The following CMIP variants were observed in gnomAD, a reference collection of about 807,000 sequenced individuals.
CMIP encodes C-Maf-inducing protein.
In CMIP, 13 loss-of-function variants were observed where a neutral mutation model predicts 97.3. That is an observed-to-expected ratio of 0.13 (90% CI 0.09 to 0.21). CMIP has a LOEUF of 0.21. CMIP is among the 10% of genes least tolerant of loss of function. The probability of loss-of-function intolerance (pLI) is 1.00; values close to 1 mark genes in which losing one functional copy is unlikely to be tolerated. For missense variants in CMIP, 847 were observed against 1,024.9 expected (o/e 0.83, Z 2.37); for synonymous variants, 538 against 436.3 (o/e 1.23, Z -2.91).
At chr16:81,646,759 T>C (rs186015340) in intron 3 of CMIP, among the ~76,000 whole-genome samples, 60 of 152,346 alleles carry the variant, frequency 3.9e-4, no homozygotes, top group African/African-American at 1.4e-3. Flanking sequence ...TTCTTTCCCT[T>C]AGTGTAGTGG....
At chr16:81,545,676 A>T (rs770438194) in intron 1 of CMIP, among the ~76,000 whole-genome samples, 17 of 152,146 alleles carry the variant, frequency 1.1e-4, no homozygotes, top group Non-Finnish European at 2.1e-4. Context: ...TTACTACTTG[A>T]CTGATCTGCT....
rs5818346 is a variant in CMIP, at chr16:81,663,097, CAAAA to C, written c.745-1159_745-1156del. On this transcript the variant is annotated intron_variant, in intron 6 of 20. Transcript: ENST00000537098. The stretch of plus-strand genomic sequence containing the variant: ...CTCATCTCGTCTACTTTTTTAACTC[CAAAA>C]AAAAAAAAAAAATTTTAAGGCTATG... Among the ~76,000 whole-genome samples, 392 of 144,812 alleles carry C rather than the reference CAAAA, an allele frequency of 2.7e-3. 3 individuals are homozygous for C. The highest frequency in any genetic ancestry group is 9.4e-3 in the African/African-American group (371 of 39,538).
intron 1 of CMIP, among the ~76,000 whole-genome samples, chr16:81,510,758 C>T (rs992091668): frequency 2.6e-5 from 4 of 152,000 alleles, no homozygotes; most frequent in Non-Finnish European, 4.4e-5. Flanking sequence ...CTTGTTCTGT[C>T]GCCCAGGCTG....
At chr16:81,570,945 G>C (rs543961307) in intron 1 of CMIP, among the ~76,000 whole-genome samples, 1 of 152,126 alleles carries the variant, frequency 6.6e-6, no homozygotes, top group Non-Finnish European at 1.5e-5. Context: ...CCATGGGGTC[G>C]TGAAACAGAA....
At chr16:81,662,046 C>T (rs2151021631) in intron 6 of CMIP, among the ~76,000 whole-genome samples, 1 of 152,294 alleles carries the variant, frequency 6.6e-6, no homozygotes, top group African/African-American at 2.4e-5. Context: ...CCGGGCTCCT[C>T]AGGACACACA....
Position 81,539,037 on chromosome 16 carries a change from T to C in CMIP, c.301-68530T>C, listed in dbSNP as rs912211838. 5.3e-5 allele frequency among the ~76,000 whole-genome samples: 8 copies of C among 152,308 alleles called. No homozygotes were observed. The East Asian group carries it at 1.5e-3, about 29-fold the overall frequency. On this transcript the variant is annotated intron_variant, in intron 1 of 20. Transcript: ENST00000537098. ...GCACACAGAAAATTCGATTAGATAG[T>C]GCCGAGGAAGAGCACACACCGATGG... is the stretch of plus-strand genomic sequence containing the variant.
chr16:81,491,529 A>C (rs1469750598), intron 1 of CMIP, among the ~76,000 whole-genome samples: 1 of 152,216 alleles, frequency 6.6e-6, no homozygotes, highest in South Asian at 2.1e-4. Flanking sequence ...GTATCAGTGG[A>C]ACATGGAAGA....
intron 3 of CMIP, among the ~76,000 whole-genome samples, chr16:81,641,594 G>A (rs1400034867): frequency 6.6e-6 from 1 of 152,212 alleles, no homozygotes; most frequent in Non-Finnish European, 1.5e-5. Flanking sequence ...CGATGCCGCA[G>A]AGACAGTGGA....
intron 1 of CMIP, among the ~76,000 whole-genome samples, chr16:81,457,764 C>A (rs1437739646): frequency 1.3e-5 from 2 of 152,216 alleles, no homozygotes; most frequent in Non-Finnish European, 2.9e-5. Context: ...CACCTCGTCT[C>A]TTCAGAACTG....
Position 81,701,803 on chromosome 16 carries a change from G to A in CMIP, c.1896+3G>A. 1.2e-6 allele frequency: 2 copies of A among 1,613,316 alleles called. No homozygotes were observed. The highest frequency in any genetic ancestry group is 1.7e-6 in the Non-Finnish European group (2 of 1,179,854). On this transcript the variant is annotated splice_donor_region_variant and intron_variant, in intron 16 of 20. Transcript: ENST00000537098. ...GGCAGCGGGAGCTGAAGGAGCTGGT[G>A]AGTCCCCGGCTGCTCCGGACCACTC...
intron 1 of CMIP, among the ~76,000 whole-genome samples, chr16:81,554,470 T>A (rs1323759690): frequency 6.6e-6 from 1 of 152,186 alleles, no homozygotes; most frequent in African/African-American, 2.4e-5. Context: ...CACTCTTTCC[T>A]GTTGAGCCCA....
At chr16:81,445,645 G>C in intron 1 of CMIP, 104 bp downstream of exon 1, 1 of 1,284,870 alleles carries the variant, frequency 7.8e-7, no homozygotes, top group Non-Finnish European at 1.0e-6. Context: ...GGCCTGGGGG[G>C]CGGTGGGGGG....
intron 1 of CMIP, among the ~76,000 whole-genome samples, chr16:81,593,638 C>A (rs891906326): frequency 2.6e-5 from 4 of 152,182 alleles, no homozygotes; most frequent in African/African-American, 9.7e-5. Flanking sequence ...GTAATCGCCT[C>A]CGTGTATTGA....
chr16:81,673,353 T>TA (rs1170776378), intron 9 of CMIP, among the ~76,000 whole-genome samples: 1 of 151,876 alleles, frequency 6.6e-6, no homozygotes, highest in African/African-American at 2.4e-5. Context: ...CCGTCTCTAC[T>TA]AAAAAAATAT....
chr16:81,685,120 G>T (rs960934532), intron 10 of CMIP, among the ~76,000 whole-genome samples: 2 of 152,158 alleles, frequency 1.3e-5, no homozygotes, highest in Admixed American at 6.5e-5. Flanking sequence ...TCTGTCCAGC[G>T]CCCCCCATTC....
At chr16:81,536,904 C>G (rs2090353208) in intron 1 of CMIP, among the ~76,000 whole-genome samples, 1 of 152,096 alleles carries the variant, frequency 6.6e-6, no homozygotes, top group East Asian at 1.9e-4. Context: ...TGAGCAGTAC[C>G]CCACCCCCTG....
At chr16:81,510,150 G>A (rs1319385653) in intron 1 of CMIP, among the ~76,000 whole-genome samples, 3 of 152,130 alleles carry the variant, frequency 2.0e-5, no homozygotes, top group East Asian at 3.9e-4. Flanking sequence ...CGACAGTGAC[G>A]TCAGCATCCT....
Position 81,664,659 on chromosome 16 carries a change from C to A in CMIP, c.825+310C>A, listed in dbSNP as rs60024935. ...TCTGTAGATGCCCTGCCCTCAAGGA[C>A]CCAGAGCGCGACTTTGCACTCCTTT... is the stretch of plus-strand genomic sequence containing the variant. On this transcript the variant is annotated intron_variant, in intron 7 of 20. Transcript: ENST00000537098. 25 of 563,158 alleles carry A rather than the reference C, an allele frequency of 4.4e-5. No individual in the cohort carries two copies. In the East Asian group the frequency reaches 7.2e-4, roughly 16 times the overall value. The allele number at this position is 563,158 out of a possible 1,614,324, so 34.9% of individuals were successfully genotyped here.
rs775125216 is a variant in CMIP, at chr16:81,705,589, C to T, written c.2182C>T (p.Leu728=). 1 of 1,602,372 alleles carries T rather than the reference C, an allele frequency of 6.2e-7. No homozygotes were observed. The highest frequency in any genetic ancestry group is 8.5e-7 in the Non-Finnish European group (1 of 1,175,912). The change falls in exon 19 of 21, where the codon CTG becomes TTG. Residue 728 remains leucine, a synonymous_variant. Coordinates refer to ENST00000537098, the MANE Select transcript of CMIP (RefSeq NM_198390.3). ...LCETPVTDAG[L]LALSSMKSLC... Reference sequence around the variant, plus strand: ...CGAGACCCCGGTCACAGACGCTGGCCTGCTGGCCCTGAGCTGTGAGTGCCT... The same window carrying T: ...CGAGACCCCGGTCACAGACGCTGGCTTGCTGGCCCTGAGCTGTGAGTGCCT...
Sources: allele counts gnomAD v4.1 joint callset (sites outside exome capture counted in the v4.1 genomes callset), GRCh38; gene constraint gnomAD v4.1.1; transcripts MANE v1.5; gene names NCBI Gene and HGNC (gene_info 2026-07-23, HGNC 2026-07-21).